ARHGAP20: variants seen among roughly 807,000 people sequenced by gnomAD.
The protein encoded by ARHGAP20 is rho GTPase-activating protein 20.
ARHGAP20 carries 34 observed loss-of-function variants against 73.7 expected under a neutral mutation model. That is an observed-to-expected ratio of 0.46 (90% confidence interval 0.35 to 0.61). The LOEUF is 0.61. Ranked by LOEUF, ARHGAP20 falls within the 20% of genes least tolerant of loss-of-function variation. The pLI, the probability that ARHGAP20 is intolerant of heterozygous loss-of-function variation, is 0.00. For missense variants in ARHGAP20, 1,314 were observed against 1,420.9 expected, an observed-to-expected ratio of 0.92 and a Z score of 1.21; for synonymous variants, 523 against 518.2, an observed-to-expected ratio of 1.01 and a Z score of -0.13.
In ARHGAP20 at chr11:110,577,086, TGGAC is replaced by T; in HGVS notation, c.*2280_*2283del. 4 of 1,521,330 alleles carry T rather than the reference TGGAC, an allele frequency of 2.6e-6. No individual in the cohort carries two copies. The South Asian group carries it at 4.9e-5, about 18-fold the overall frequency. The allele number at this position is 1,521,330 out of a possible 1,614,324, so 94.2% of individuals were successfully genotyped here. A position where few individuals can be genotyped will look rare whatever the true frequency, so the allele number is the denominator to read the frequency against. ...ATGGCATTTTATTTAACAGACAGCA[TGGAC>T]TTCATACATATCCATTATCAGTGCC... On this transcript the variant is annotated 3_prime_UTR_variant, in exon 15 of 15. Transcript: ENST00000683387.
intron 2 of ARHGAP20, among the ~76,000 whole-genome samples, chr11:110,667,715 CATTTGTG>C (rs1442743339): frequency 6.6e-6 from 1 of 152,096 alleles, no homozygotes; most frequent in African/African-American, 2.4e-5. Context: ...GCATTAAGAA[CATTTGTG>C]ATTCATTTGA....
At chr11:110,641,492 T>G (rs1051439231) in intron 2 of ARHGAP20, among the ~76,000 whole-genome samples, 3 of 151,996 alleles carry the variant, frequency 2.0e-5, no homozygotes, top group African/African-American at 7.2e-5. Flanking sequence ...AAGGAAACAA[T>G]ATATGAATTA....
intron 10 of ARHGAP20, among the ~76,000 whole-genome samples, chr11:110,591,213 T>C (rs1947821368): frequency 6.6e-6 from 1 of 152,204 alleles, no homozygotes; most frequent in Non-Finnish European, 1.5e-5. Context: ...AGAATGGGTT[T>C]TGAAGACAAG....
chr11:110,659,911 G>A (rs538751533), intron 2 of ARHGAP20, among the ~76,000 whole-genome samples: 4 of 151,858 alleles, frequency 2.6e-5, no homozygotes, highest in African/African-American at 9.7e-5. Flanking sequence ...TTGTGGGGTG[G>A]GGGGAGTGGG....
chr11:110,695,611 A>C (rs968068276), intron 1 of ARHGAP20, among the ~76,000 whole-genome samples: 5 of 151,734 alleles, frequency 3.3e-5, no homozygotes, highest in African/African-American at 1.2e-4. Flanking sequence ...GGGAAATGCA[A>C]ATCAAAATTA....
At position 110,649,567 on chromosome 11, in the gene ARHGAP20, G is replaced by A. The variant is rs147240522; in HGVS notation, c.189-18775C>T. 5.4e-3 allele frequency among the ~76,000 whole-genome samples: 816 copies of A among 152,040 alleles called. 3 individuals carry two copies. Among genetic ancestry groups the A allele is most frequent in the South Asian group, 0.021 (102 of 4,804 alleles). Reference sequence around the variant, plus strand: ...TCAGAATGTGTCCTTCCAACGAGGCGGTGAGCTGGGAAGAAGTGGGGTGGG... The same window carrying A: ...TCAGAATGTGTCCTTCCAACGAGGCAGTGAGCTGGGAAGAAGTGGGGTGGG... On this transcript the variant is annotated intron_variant, in intron 2 of 14. Coordinates refer to ENST00000683387, the MANE Select transcript of ARHGAP20 (RefSeq NM_001384657.1).
intron 6 of ARHGAP20, among the ~76,000 whole-genome samples, chr11:110,612,094 T>C (rs986550342): frequency 2.0e-5 from 3 of 152,106 alleles, no homozygotes; most frequent in Non-Finnish European, 2.9e-5. Context: ...CTAAACTATA[T>C]TGAATACTTT....
At chr11:110,598,284 G>T (rs1379848272) in intron 9 of ARHGAP20, among the ~76,000 whole-genome samples, 1 of 151,328 alleles carries the variant, frequency 6.6e-6, no homozygotes, top group East Asian at 1.9e-4. Flanking sequence ...TTCCAGTTCA[G>T]TCCTAGGTCT....
chr11:110,579,494 G>A lies in ARHGAP20; in HGVS notation c.3452C>T (p.Ser1151Phe). 6.2e-7 allele frequency: 1 copy of A among 1,614,158 alleles called. No homozygotes were observed. Among genetic ancestry groups the A allele is most frequent in the South Asian group, 1.1e-5 (1 of 91,074 alleles). ...GGCTCTTTCCCAAGGCAGAGAACCA[G>A]AAGAGCTCTGACTACCAGGCTCTAT... Reference protein sequence around the residue: ...EEIEPGSQSSSGSLPWERASA... With the variant: ...EEIEPGSQSSFGSLPWERASA... Residue 1151 changes from serine (S) to phenylalanine (F), a missense_variant, in exon 15 of 15, where the codon TCT becomes TTT. Physicochemically the swap from Ser to Phe is radical, Grantham distance 155. Coordinates refer to ENST00000683387, the MANE Select transcript of ARHGAP20 (RefSeq NM_001384657.1).
rs145081200 is a variant in ARHGAP20, at chr11:110,580,521, T to C, written c.2425A>G (p.Met809Val). 6.0e-5 allele frequency: 97 copies of C among 1,614,218 alleles called. No homozygotes were observed. The African/African-American group carries it at 7.6e-4, about 13-fold the overall frequency. The stretch of plus-strand genomic sequence containing the variant: ...TTCTTGGAATGATCCTGTGAGGACA[T>C]AGGACTATAAGATGCCACAGAAATG... ...VAISVASYSPMSSQDHSKNQP... is the reference protein window; with the variant it reads ...VAISVASYSPVSSQDHSKNQP... The change falls in exon 15 of 15, where the codon ATG (methionine) becomes GTG (valine). Residue 809 changes from methionine (M) to valine (V), a missense_variant. This residue lies in a region of ARHGAP20 where 641 missense variants were observed against 636.9 expected (regional missense o/e 1.01). Transcript: ENST00000683387.
intron 1 of ARHGAP20, among the ~76,000 whole-genome samples, chr11:110,697,741 T>A (rs1186811145): frequency 6.6e-6 from 1 of 151,750 alleles, no homozygotes; most frequent in Non-Finnish European, 1.5e-5. Flanking sequence ...TGTAGGTATA[T>A]GGCTTATTTC....
intron 2 of ARHGAP20, among the ~76,000 whole-genome samples, chr11:110,654,606 T>C (rs1034193694): frequency 1.3e-4 from 20 of 152,318 alleles, no homozygotes; most frequent in African/African-American, 4.3e-4. Context: ...ATTTTTCACA[T>C]AGCTAAAATG....
chr11:110,601,737 A>G (rs1948114298), intron 9 of ARHGAP20, among the ~76,000 whole-genome samples: 1 of 152,156 alleles, frequency 6.6e-6, no homozygotes, highest in Non-Finnish European at 1.5e-5. Context: ...TAATCCCAGC[A>G]CTTTGGGAGG....
intron 2 of ARHGAP20, among the ~76,000 whole-genome samples, chr11:110,637,295 T>A (rs1375812714): frequency 6.6e-6 from 1 of 152,098 alleles, no homozygotes; most frequent in East Asian, 1.9e-4. Flanking sequence ...GAGATTACGA[T>A]AACAAGTACT....
chr11:110,676,804 TCTC>T (rs1211932709), intron 2 of ARHGAP20, among the ~76,000 whole-genome samples: 1 of 150,706 alleles, frequency 6.6e-6, no homozygotes, highest in Admixed American at 6.6e-5. Context: ...GAGACTTAAA[TCTC>T]CTCAAATAAG....
intron 2 of ARHGAP20, among the ~76,000 whole-genome samples, chr11:110,648,224 T>A (rs12275903): frequency 0.019 from 965 of 51,786 alleles, 25 homozygotes; most frequent in African/African-American, 0.071. Flanking sequence ...TATATATGTA[T>A]ATATATATAT....
chr11:110,629,104 G>C (rs1418065284), intron 3 of ARHGAP20, among the ~76,000 whole-genome samples: 1 of 152,098 alleles, frequency 6.6e-6, no homozygotes, highest in Non-Finnish European at 1.5e-5. Context: ...CAAGTAAATA[G>C]TCTTTAAGAT....
At chr11:110,649,366 C>T (rs1949299767) in intron 2 of ARHGAP20, among the ~76,000 whole-genome samples, 1 of 151,328 alleles carries the variant, frequency 6.6e-6, no homozygotes, top group Non-Finnish European at 1.5e-5. Context: ...TTTCACTATC[C>T]CCAAAACAAG....
chr11:110,665,668 G>A (rs1301456399), intron 2 of ARHGAP20, among the ~76,000 whole-genome samples: 2 of 152,174 alleles, frequency 1.3e-5, no homozygotes, highest in Non-Finnish European at 2.9e-5. Flanking sequence ...GAAAAGAGCT[G>A]TCCAGAGAAA....
Sources: allele counts gnomAD v4.1 joint callset (sites outside exome capture counted in the v4.1 genomes callset), GRCh38; gene constraint gnomAD v4.1.1; regional missense constraint gnomAD v4.1.1; transcripts MANE v1.5; gene names NCBI Gene and HGNC (gene_info 2026-07-23, HGNC 2026-07-21).